Variants in COL8A1 observed in about 807,000 individuals in gnomAD.
COL8A1 encodes collagen alpha-1(VIII) chain.
A neutral mutation model predicts 42.7 loss-of-function variants in COL8A1; 21 were observed. That is an observed-to-expected ratio of 0.49 (90% CI 0.35 to 0.71). The LOEUF is 0.71. Ranked by LOEUF, COL8A1 falls within the 30% of genes least tolerant of loss-of-function variation. The pLI, the probability that COL8A1 is intolerant of heterozygous loss-of-function variation, is 0.01. For missense variants in COL8A1, 788 were observed against 962.4 expected (o/e 0.82, Z 2.40); for synonymous variants, 367 against 369.1 (o/e 0.99, Z 0.06).
At chr3:99,737,324 G>A (rs1477705380) in intron 1 of COL8A1, among the ~76,000 whole-genome samples, 3 of 152,036 alleles carry the variant, frequency 2.0e-5, no homozygotes, top group South Asian at 4.2e-4. Flanking sequence ...TCCTAGTCTC[G>A]ATGGTCTTTA....
chr3:99,718,933 T>C (rs1438456695), intron 1 of COL8A1, among the ~76,000 whole-genome samples: 1 of 152,148 alleles, frequency 6.6e-6, no homozygotes, highest in African/African-American at 2.4e-5. Context: ...AAGATGATAA[T>C]AATAGAATAT....
intron 2 of COL8A1, among the ~76,000 whole-genome samples, chr3:99,770,694 C>G (rs1364369964): frequency 1.3e-5 from 2 of 152,194 alleles, no homozygotes; most frequent in African/African-American, 4.8e-5. Context: ...TGATTAACAT[C>G]CATGGTGTCA....
chr3:99,657,790 G>C (rs1034003188), intron 1 of COL8A1, among the ~76,000 whole-genome samples: 3 of 152,152 alleles, frequency 2.0e-5, no homozygotes, highest in Non-Finnish European at 2.9e-5. Context: ...GCCACACATA[G>C]TGTTCTTTCT....
chr3:99,742,895 T>TAGA (rs1191486811), intron 1 of COL8A1, among the ~76,000 whole-genome samples: 1 of 152,184 alleles, frequency 6.6e-6, no homozygotes, highest in Non-Finnish European at 1.5e-5. Context: ...AATGAATTTT[T>TAGA]AGAAGAAGAA....
chr3:99,759,287 T>G (rs1177537532), intron 2 of COL8A1, among the ~76,000 whole-genome samples: 3 of 152,184 alleles, frequency 2.0e-5, no homozygotes. Flanking sequence ...GTTAAATTAA[T>G]GCATTTAGCA....
chr3:99,729,688 A>G (rs1383589920), intron 1 of COL8A1, among the ~76,000 whole-genome samples: 1 of 151,986 alleles, frequency 6.6e-6, no homozygotes, highest in Admixed American at 6.6e-5. Flanking sequence ...TACAACCTTT[A>G]GTTTTTGTAA....
chr3:99,795,100 C>T lies in COL8A1; in HGVS notation c.1199C>T (p.Pro400Leu), dbSNP rs1344291505. ...CCAGGCCTGCCTGGAATCCCAGGTC[C>T]TATGGGCCCTCCAGGTGCTATTGGT... ...GEPGLPGIPG[P>L]MGPPGAIGFP... Residue 400 changes from proline to leucine, a missense_variant, in exon 4 of 4, where the codon CCT (proline) becomes CTT (leucine). By Grantham distance (98) the Pro-to-Leu change is moderately conservative. Transcript: ENST00000652472. The T allele has an allele frequency of 6.2e-7, 1 of 1,613,040 alleles. No homozygotes were observed. Among genetic ancestry groups the T allele is most frequent in the East Asian group, 2.2e-5 (1 of 44,858 alleles).
At chr3:99,765,279 T>C (rs1941441571) in intron 2 of COL8A1, among the ~76,000 whole-genome samples, 1 of 152,020 alleles carries the variant, frequency 6.6e-6, no homozygotes, top group Admixed American at 6.6e-5. Context: ...CAATCTTAGC[T>C]CCAGTCTGGT....
chr3:99,737,701 G>A (rs1397978992), intron 1 of COL8A1, among the ~76,000 whole-genome samples: 1 of 151,984 alleles, frequency 6.6e-6, no homozygotes, highest in Non-Finnish European at 1.5e-5. Context: ...ACAATTATGT[G>A]TCTCGGAGTT....
At chr3:99,707,195 C>G (rs1271507928) in intron 1 of COL8A1, 1 of 152,110 alleles carries the variant, frequency 6.6e-6, no homozygotes, top group Non-Finnish European at 1.5e-5. Context: ...CTCTAGCAGG[C>G]CCTGTGATAA....
chr3:99,726,488 T>G (rs1368428711), intron 1 of COL8A1, among the ~76,000 whole-genome samples: 1 of 151,660 alleles, frequency 6.6e-6, no homozygotes, highest in Non-Finnish European at 1.5e-5. Context: ...TCCTTGCCCA[T>G]GCCTATGTCC....
chr3:99,794,727 G>A lies in COL8A1; in HGVS notation c.826G>A (p.Val276Met), dbSNP rs1458338819. Residue 276 changes from valine to methionine, a missense_variant, in exon 4 of 4, where the codon GTG becomes ATG. Coordinates refer to ENST00000652472, the MANE Select transcript of COL8A1 (RefSeq NM_020351.4). This position sits in a 1 kb window ranked among gnomAD's most constrained non-coding sequence, Gnocchi z 4.3. Reference sequence around the variant, plus strand: ...ACTGCCAGGAGTGGGCAAACCAGGAGTGACAGGCTTCCCTGGGCCCCAGGG... The same window carrying A: ...ACTGCCAGGAGTGGGCAAACCAGGAATGACAGGCTTCCCTGGGCCCCAGGG... The part of the protein sequence containing the change: ...VGLPGVGKPG[V>M]TGFPGPQGPL... The A allele has an allele frequency of 1.2e-6, 2 of 1,607,152 alleles. No individual in the cohort carries two copies. Among genetic ancestry groups the A allele is most frequent in the East Asian group, 2.2e-5 (1 of 44,770 alleles).
At chr3:99,656,846 G>A (rs1938036721) in intron 1 of COL8A1, among the ~76,000 whole-genome samples, 1 of 152,222 alleles carries the variant, frequency 6.6e-6, no homozygotes, top group Admixed American at 6.5e-5. Context: ...TTAGCAGAAA[G>A]AACAGCACAT....
At chr3:99,767,350 T>G (rs1941483687) in intron 2 of COL8A1, among the ~76,000 whole-genome samples, 1 of 152,174 alleles carries the variant, frequency 6.6e-6, no homozygotes, top group Admixed American at 6.5e-5. Context: ...CCAGCCCAAG[T>G]CTTGGAAAAG....
At chr3:99,639,159 G>T (rs1937453362) in intron 1 of COL8A1, among the ~76,000 whole-genome samples, 1 of 152,136 alleles carries the variant, frequency 6.6e-6, no homozygotes, top group Admixed American at 6.6e-5. Context: ...ATCTTTCCAG[G>T]TTTTAGCGCT....
intron 1 of COL8A1, chr3:99,691,523 A>C (rs924874137): frequency 7.2e-5 from 11 of 151,994 alleles, no homozygotes; most frequent in African/African-American, 2.7e-4. Context: ...AGAAATGTAG[A>C]AACTCAGGCC....
intron 1 of COL8A1, among the ~76,000 whole-genome samples, chr3:99,643,210 C>A (rs1937543728): frequency 6.6e-6 from 1 of 152,156 alleles, no homozygotes; most frequent in South Asian, 2.1e-4. Flanking sequence ...TCTAAGGTGT[C>A]TTTGACTATG....
chr3:99,793,465 A>G (rs959019514), intron 3 of COL8A1, among the ~76,000 whole-genome samples: 1 of 152,050 alleles, frequency 6.6e-6, no homozygotes, highest in Non-Finnish European at 1.5e-5. Flanking sequence ...ACACAGATAG[A>G]ACAAATGAGA....
At chr3:99,745,413 A>C (rs1941003792) in intron 2 of COL8A1, among the ~76,000 whole-genome samples, 1 of 152,202 alleles carries the variant, frequency 6.6e-6, no homozygotes, top group South Asian at 2.1e-4. Flanking sequence ...AGAGGGTTTT[A>C]AGTAATAAAA....
Sources: gnomAD v4.1 joint callset for allele counts (sites outside exome capture counted in the v4.1 genomes callset) on GRCh38, gnomAD v4.1.1 for gene constraint, Gnocchi (gnomAD v3.1) non-coding constraint, MANE v1.5 for transcripts, NCBI Gene and HGNC (gene_info 2026-07-23, HGNC 2026-07-21) for gene names.